ZDHHC13: variants seen among roughly 807,000 people sequenced by gnomAD.
ZDHHC13 encodes palmitoyltransferase ZDHHC13.
In ZDHHC13, 85 loss-of-function variants were observed where a neutral mutation model predicts 86.0. The observed-to-expected ratio is 0.99, with a 90% CI of 0.83 to 1.18. The LOEUF is 1.18. Ranked by LOEUF, ZDHHC13 falls within the 50% of genes most tolerant of loss-of-function variation. The pLI, the probability that ZDHHC13 is intolerant of heterozygous loss-of-function variation, is 0.00. For missense variants in ZDHHC13, 711 were observed against 730.2 expected (o/e 0.97, Z 0.30); for synonymous variants, 263 against 246.4 (o/e 1.07, Z -0.63).
Position 19,152,197 on chromosome 11 carries a change from T to C in ZDHHC13, c.624T>C (p.Ser208=). Residue 208 remains serine (S), a synonymous_variant, in exon 7 of 17, where the codon TCT becomes TCC. Coordinates refer to ENST00000446113, the MANE Select transcript of ZDHHC13 (RefSeq NM_019028.3). ...GATTTCTTTTAAAGTTTAATCCTTC[T>C]CTCAATGTGGTTGATAAAATACACC... is the stretch of plus-strand genomic sequence containing the variant. The part of the protein sequence containing the change: ...PTGFLLKFNP[S]LNVVDKIHQN... 6.2e-7 allele frequency: 1 copy of C among 1,613,296 alleles called. No individual in the cohort carries two copies. Among genetic ancestry groups the C allele is most frequent in the Admixed American group, 1.7e-5 (1 of 59,994 alleles).
chr11:19,133,400 CACACACAT>C (rs925682278), intron 1 of ZDHHC13, among the ~76,000 whole-genome samples: 20 of 150,672 alleles, frequency 1.3e-4, no homozygotes, highest in South Asian at 6.3e-4. Context: ...CACACACACA[CACACACAT>C]ATATATATAT....
Position 19,152,155 on chromosome 11 carries a change from C to T in ZDHHC13, c.585-3C>T, listed in dbSNP as rs1361004207. The T allele has an allele frequency of 6.2e-7, 1 of 1,609,144 alleles. No individual in the cohort carries two copies. The highest frequency in any genetic ancestry group is 8.5e-7 in the Non-Finnish European group (1 of 1,177,268). ...CTCTTGGTATTTTATTATTTTGAGA[C>T]AGGCCAGAACCAACTGGATTTCTTT... On this transcript the variant is annotated splice_region_variant and splice_polypyrimidine_tract_variant and intron_variant, in intron 6 of 16. Coordinates refer to ENST00000446113, the MANE Select transcript of ZDHHC13 (RefSeq NM_019028.3).
At chr11:19,175,667 AC>A (rs1850344064) in intron 16 of ZDHHC13, among the ~76,000 whole-genome samples, 154 bp from the exon 17 acceptor site, 2 of 152,176 alleles carry the variant, frequency 1.3e-5, no homozygotes, top group South Asian at 4.1e-4. Flanking sequence ...GTTTTAAGGT[AC>A]CAGAAGCCCA....
intron 1 of ZDHHC13, among the ~76,000 whole-genome samples, chr11:19,119,852 C>T (rs2133352163): frequency 6.6e-6 from 1 of 152,312 alleles, no homozygotes; most frequent in Middle Eastern, 3.4e-3. Flanking sequence ...GGAAACTAAA[C>T]TCTGGTACTT....
At chr11:19,156,174 G>A (rs544754290) in intron 9 of ZDHHC13, among the ~76,000 whole-genome samples, 33 of 152,148 alleles carry the variant, frequency 2.2e-4, no homozygotes, top group African/African-American at 6.0e-4. Context: ...CCTGGGTCAC[G>A]TTTTAATTGT....
intron 6 of ZDHHC13, among the ~76,000 whole-genome samples, 170 bp from the exon 7 acceptor site, chr11:19,151,988 A>G (rs569265616): frequency 6.6e-6 from 1 of 152,036 alleles, no homozygotes; most frequent in East Asian, 1.9e-4. Flanking sequence ...TTTTTTTTTA[A>G]TCTCCTATTA....
intron 9 of ZDHHC13, 91 bp downstream of exon 9, chr11:19,156,020 A>T: frequency 2.1e-6 from 3 of 1,421,886 alleles, no homozygotes; most frequent in Non-Finnish European, 1.9e-6. Context: ...ACAGATTTTT[A>T]TCATGCTGTA....
chr11:19,152,775 T>G (rs1849649195), intron 8 of ZDHHC13, 91 bp downstream of exon 8: 1 of 1,583,554 alleles, frequency 6.3e-7, no homozygotes, highest in South Asian at 1.1e-5. Context: ...AACCAGAGAG[T>G]TGGCTTTTTG....
At chr11:19,125,091 C>T (rs1848845169) in intron 1 of ZDHHC13, among the ~76,000 whole-genome samples, 1 of 152,146 alleles carries the variant, frequency 6.6e-6, no homozygotes, top group African/African-American at 2.4e-5. Context: ...ACACCAAAAG[C>T]ACAATCCATA....
intron 14 of ZDHHC13, 135 bp downstream of exon 14, chr11:19,166,520 T>C: frequency 1.6e-6 from 1 of 608,660 alleles, no homozygotes; most frequent in Non-Finnish European, 2.7e-6. Flanking sequence ...CAAATGCCTC[T>C]AAGACTCCCT....
chr11:19,162,195 T>C (rs1180547055), intron 10 of ZDHHC13, among the ~76,000 whole-genome samples: 4 of 152,228 alleles, frequency 2.6e-5, no homozygotes, highest in Non-Finnish European at 5.9e-5. Flanking sequence ...GATAAGCTTA[T>C]GTAGGTTAGA....
At chr11:19,155,525 G>A (rs1849731082) in intron 8 of ZDHHC13, among the ~76,000 whole-genome samples, 1 of 146,620 alleles carries the variant, frequency 6.8e-6, no homozygotes, top group African/African-American at 2.5e-5. Context: ...AGGTTGCAGT[G>A]AGCCGAGATC....
At chr11:19,152,023 A>G (rs1849621572) in intron 6 of ZDHHC13, 135 bp from the exon 7 acceptor site, 1 of 884,584 alleles carries the variant, frequency 1.1e-6, no homozygotes, top group African/African-American at 1.7e-5. Flanking sequence ...ACTCAGTACA[A>G]AGAAGTTTCT....
At chr11:19,159,274 A>G (rs1565037659) in intron 10 of ZDHHC13, among the ~76,000 whole-genome samples, 1 of 152,154 alleles carries the variant, frequency 6.6e-6, no homozygotes, top group Non-Finnish European at 1.5e-5. Flanking sequence ...ATAGGAGGGG[A>G]ACAGTAGAAT....
At chr11:19,122,016 A>G (rs1848768899) in intron 1 of ZDHHC13, among the ~76,000 whole-genome samples, 1 of 152,138 alleles carries the variant, frequency 6.6e-6, no homozygotes, top group African/African-American at 2.4e-5. Flanking sequence ...TTGAGACTCA[A>G]GGTTACCTGT....
At chr11:19,123,212 C>T (rs1848794994) in intron 1 of ZDHHC13, among the ~76,000 whole-genome samples, 1 of 152,064 alleles carries the variant, frequency 6.6e-6, no homozygotes, top group African/African-American at 2.4e-5. Context: ...AACATGTAAA[C>T]CTCCTCAACT....
intron 13 of ZDHHC13, among the ~76,000 whole-genome samples, chr11:19,166,069 G>A (rs1850056569): frequency 6.6e-6 from 1 of 152,126 alleles, no homozygotes; most frequent in South Asian, 2.1e-4. Context: ...GTCCAAAAAA[G>A]TATCTTCTTT....
In ZDHHC13 at chr11:19,175,925, C is replaced by T. The variant is rs756968761; in HGVS notation, c.1834C>T (p.His612Tyr). The stretch of plus-strand genomic sequence containing the variant: ...GACATCACAGTACACCATGGTCTTT[C>T]ACCCAGCCAGGGAGAAGGTTCTTCG... The part of the protein sequence containing the change: ...DWTSQYTMVF[H>Y]PAREKVLRSV Residue 612 changes from histidine (H) to tyrosine (Y), a missense_variant, in exon 17 of 17, where the codon CAC (histidine) becomes TAC (tyrosine). Coordinates refer to ENST00000446113, the MANE Select transcript of ZDHHC13 (RefSeq NM_019028.3). The T allele has an allele frequency of 1.9e-5, 31 of 1,611,720 alleles. No homozygotes were observed. Among genetic ancestry groups the T allele is most frequent in the Non-Finnish European group, 8.5e-7 (1 of 1,179,178 alleles).
At chr11:19,156,371 T>C (rs1849756644) in intron 9 of ZDHHC13, among the ~76,000 whole-genome samples, 1 of 152,204 alleles carries the variant, frequency 6.6e-6, no homozygotes, top group Non-Finnish European at 1.5e-5. Flanking sequence ...TATAAAATAG[T>C]AAATATGGTA....
Sources: gnomAD v4.1 joint callset for allele counts (sites outside exome capture counted in the v4.1 genomes callset) on GRCh38, gnomAD v4.1.1 for gene constraint, MANE v1.5 for transcripts, NCBI Gene and HGNC (gene_info 2026-07-23, HGNC 2026-07-21) for gene names.